The following USH2A variants were observed in gnomAD, a reference collection of about 807,000 sequenced individuals.
USH2A encodes Usher syndrome 2A (autosomal recessive, mild).
USH2A carries 443 observed loss-of-function variants against 538.9 expected under a neutral mutation model. The ratio of observed to expected loss-of-function variants is 0.82; its 90% CI spans 0.76 to 0.89. The LOEUF (loss-of-function observed/expected upper bound fraction) is 0.89, where lower values mean the gene tolerates loss of function less well. Among genes scored for constraint, USH2A ranks in the 40% least tolerant of loss-of-function variants. The pLI, the probability that USH2A is intolerant of heterozygous loss-of-function variation, is 0.00. For missense variants in USH2A, 6,633 were observed against 6,324.8 expected, an observed-to-expected ratio of 1.05 and a Z score of -1.65; for synonymous variants, 2,413 against 2,273.5, an observed-to-expected ratio of 1.06 and a Z score of -1.75.
At chr1:216,249,202 AAAT>A (rs2102549119) in intron 12 of USH2A, among the ~76,000 whole-genome samples, 1 of 152,222 alleles carries the variant, frequency 6.6e-6, no homozygotes, top group South Asian at 2.1e-4. Context: ...ATAACACTAG[AAAT>A]AATAATTATT....
At chr1:216,025,944 G>T (rs530102851) in intron 32 of USH2A, among the ~76,000 whole-genome samples, 3 of 152,184 alleles carry the variant, frequency 2.0e-5, no homozygotes, top group African/African-American at 7.2e-5. Context: ...GTATATTCTA[G>T]AAGTTGCTGG....
At chr1:216,325,203 A>T (rs1571703383) in intron 6 of USH2A, 102 bp downstream of exon 6, 2 of 1,279,774 alleles carry the variant, frequency 1.6e-6, no homozygotes, top group East Asian at 2.4e-5. Context: ...GATCTCCAGA[A>T]CTGTTAGGGA....
At chr1:216,118,411 T>C (rs960542212) in intron 21 of USH2A, among the ~76,000 whole-genome samples, 1 of 152,134 alleles carries the variant, frequency 6.6e-6, no homozygotes, top group Non-Finnish European at 1.5e-5. Flanking sequence ...GCTTGAGCCA[T>C]CTCAAGGACT....
chr1:216,088,906 T>C, intron 23 of USH2A, 107 bp downstream of exon 23: 4 of 1,525,246 alleles, frequency 2.6e-6, no homozygotes, highest in Non-Finnish European at 3.6e-6. Flanking sequence ...TATATGGAAT[T>C]GAGTAGAAAT....
chr1:215,886,257 T>A (rs536210017), intron 41 of USH2A, among the ~76,000 whole-genome samples: 8 of 152,246 alleles, frequency 5.3e-5, no homozygotes, highest in Non-Finnish European at 8.8e-5. Context: ...TATTTTCTAT[T>A]TGCAATTTGG....
chr1:215,946,223 T>C (rs1286997305), intron 37 of USH2A, among the ~76,000 whole-genome samples: 1 of 151,146 alleles, frequency 6.6e-6, no homozygotes, highest in Non-Finnish European at 1.5e-5. Context: ...ATTGTGCTTA[T>C]TTACATGAGA....
chr1:216,406,541 A>G (rs574887203), intron 3 of USH2A, among the ~76,000 whole-genome samples: 1 of 152,292 alleles, frequency 6.6e-6, no homozygotes, highest in East Asian at 1.9e-4. Flanking sequence ...AGCACTACCT[A>G]TACTAGACCT....
intron 47 of USH2A, among the ~76,000 whole-genome samples, chr1:215,823,309 A>G (rs922988736): frequency 4.6e-5 from 7 of 152,194 alleles, no homozygotes; most frequent in East Asian, 1.9e-4. Context: ...TATTGTATGC[A>G]GTACTTTTAT....
At chr1:215,745,304 C>G (rs1177040673) in intron 58 of USH2A, among the ~76,000 whole-genome samples, 1 of 152,120 alleles carries the variant, frequency 6.6e-6, no homozygotes, top group Non-Finnish European at 1.5e-5. Context: ...AAGAGTCTAC[C>G]TATATTTTAG....
In USH2A at chr1:216,325,335, AAT is replaced by A. The variant is rs1366496013; in HGVS notation, c.1111_1112del (p.Ile371PhefsTer3). ...ACTGTCCATTTTCCAAATCAACTGA[AAT>A]AGTCACTCCTTGATTAAGCTGTGTA... ...NITQLNQGVT[I>X]SVDLENGQYQ... On this transcript the variant is annotated frameshift_variant, in exon 6 of 72. Transcript: ENST00000307340. LOFTEE classifies it high-confidence loss of function. 26 of 1,613,750 alleles carry A rather than the reference AAT, an allele frequency of 1.6e-5. No individual in the cohort carries two copies. The highest frequency in any genetic ancestry group is 2.1e-5 in the Non-Finnish European group (25 of 1,179,872).
chr1:216,382,745 C>T (rs2038942097), intron 3 of USH2A, among the ~76,000 whole-genome samples: 1 of 152,032 alleles, frequency 6.6e-6, no homozygotes, highest in South Asian at 2.1e-4. Context: ...AATAAAGAGT[C>T]TGAACGGAAG....
intron 38 of USH2A, among the ~76,000 whole-genome samples, chr1:215,922,760 G>A (rs185140614): frequency 6.6e-6 from 1 of 152,074 alleles, no homozygotes; most frequent in Admixed American, 6.6e-5. Flanking sequence ...TCCTGGTCTG[G>A]GATCACACTA....
In USH2A at chr1:216,128,546, G is replaced by A. The variant is rs371823683; in HGVS notation, c.4628-31333C>T. Among the ~76,000 whole-genome samples, 13 of 152,078 alleles carry A rather than the reference G, an allele frequency of 8.5e-5. No individual in the cohort carries two copies. The East Asian group carries it at 1.9e-3, about 23-fold the overall frequency. On this transcript the variant is annotated intron_variant, in intron 21 of 71. Transcript: ENST00000307340. ...GGAAAATCTCTTCCTATCTATCCTCGAAGACTTCCAAACTGTATTCTTTTT... is the reference window on the plus strand; with the variant it reads ...GGAAAATCTCTTCCTATCTATCCTCAAAGACTTCCAAACTGTATTCTTTTT...
chr1:215,980,021 T>A (rs4655439), intron 35 of USH2A, among the ~76,000 whole-genome samples: 97,359 of 152,034 alleles, frequency 0.64, 31,524 homozygotes, highest in East Asian at 0.89. Flanking sequence ...AGAAACTGAA[T>A]TAAAGATACA....
Position 216,073,122 on chromosome 1 carries a change from G to C in USH2A, c.5751C>G (p.Tyr1917Ter), listed in dbSNP as rs145742052. 6.2e-7 allele frequency: 1 copy of C among 1,613,772 alleles called. No individual in the cohort carries two copies. The highest frequency in any genetic ancestry group is 8.5e-7 in the Non-Finnish European group (1 of 1,179,924). ...LVYQGKEQSV[Y>*]EGGLQPFTEY... is the part of the protein sequence containing the mutation. ...CTGTAAAAGGCTGGAGACCACCCTC[G>C]TAAACACTCTGCTCTTTTCCCTGGT... The change falls in exon 28 of 72, where the codon TAC (tyrosine) becomes TAG (stop). Residue 1917 changes from tyrosine (Y) to a stop codon, truncating the protein, a stop_gained. Transcript: ENST00000307340. LOFTEE classifies it high-confidence loss of function.
chr1:215,868,042 C>T (rs893844204), intron 43 of USH2A, among the ~76,000 whole-genome samples: 1 of 152,234 alleles, frequency 6.6e-6, no homozygotes, highest in East Asian at 1.9e-4. Flanking sequence ...ACATGTAGTG[C>T]AACACACGAC....
intron 37 of USH2A, among the ~76,000 whole-genome samples, chr1:215,958,094 T>A (rs1000769832): frequency 2.6e-5 from 4 of 152,160 alleles, no homozygotes; most frequent in Non-Finnish European, 5.9e-5. Context: ...CCACATATAA[T>A]TATTTTCCTT....
intron 21 of USH2A, among the ~76,000 whole-genome samples, chr1:216,116,192 G>C (rs542079471): frequency 8.2e-4 from 124 of 151,926 alleles, no homozygotes; most frequent in African/African-American, 2.9e-3. Context: ...TGCATGCATA[G>C]ATACATGTAT....
At chr1:216,377,811 GAA>G (rs1427492908) in intron 3 of USH2A, among the ~76,000 whole-genome samples, 2 of 8,188 alleles carry the variant, frequency 2.4e-4, no homozygotes, top group African/African-American at 7.6e-4. Flanking sequence ...GAAATAAAAA[GAA>G]AGAAAGAAAG....
Sources: gnomAD v4.1 joint callset for allele counts (sites outside exome capture counted in the v4.1 genomes callset) on GRCh38, gnomAD v4.1.1 for gene constraint, MANE v1.5 for transcripts, NCBI Gene and HGNC (gene_info 2026-07-23, HGNC 2026-07-21) for gene names.